GPLD1: variants seen among roughly 807,000 people sequenced by gnomAD.
The protein encoded by GPLD1 is phosphatidylinositol-glycan-specific phospholipase D.
In GPLD1, 84 loss-of-function variants were observed where a neutral mutation model predicts 112.6. That is an observed-to-expected ratio of 0.75 (90% CI 0.63 to 0.89). The LOEUF (loss-of-function observed/expected upper bound fraction) is 0.89, where lower values mean the gene tolerates loss of function less well. GPLD1 is among the 40% of genes least tolerant of loss of function. GPLD1 has a pLI of 0.00. For synonymous variants in GPLD1, 386 were observed against 403.8 expected, an observed-to-expected ratio of 0.96 and a Z score of 0.53; for missense variants, 1,044 against 1,051.5, an observed-to-expected ratio of 0.99 and a Z score of 0.10.
At chr6:24,481,498 A>T (rs1302791159) in intron 2 of GPLD1, among the ~76,000 whole-genome samples, 1 of 152,130 alleles carries the variant, frequency 6.6e-6, no homozygotes, top group Admixed American at 6.5e-5. Flanking sequence ...TCCTCCTTCT[A>T]GAGGCAGAAT....
chr6:24,476,793 C>T (rs1036686037), intron 3 of GPLD1, among the ~76,000 whole-genome samples: 4 of 152,108 alleles, frequency 2.6e-5, no homozygotes, highest in South Asian at 2.1e-4. Context: ...ATGCAAGTGT[C>T]GTTTGAGTGG....
rs992487118 is a variant in GPLD1, at chr6:24,464,385, C to T, written c.822-1590G>A. Among the ~76,000 whole-genome samples, 5 of 152,278 alleles carry T rather than the reference C, an allele frequency of 3.3e-5. No individual in the cohort carries two copies. In the East Asian group the frequency reaches 5.8e-4, roughly 18 times the overall value. ...AACCACGGCAGTATGCACCTAAAAA[C>T]CCAGGTCCACGGGAGAGCTTGGGGA... On this transcript the variant is annotated intron_variant, in intron 10 of 24. Coordinates refer to ENST00000230036, the MANE Select transcript of GPLD1 (RefSeq NM_001503.4).
upstream of GPLD1, among the ~76,000 whole-genome samples, chr6:24,490,557 C>G (rs1289178973): frequency 1.3e-5 from 2 of 151,934 alleles, no homozygotes; most frequent in African/African-American, 4.8e-5. Context: ...TTGAGACCAG[C>G]GTGATCAACA....
chr6:24,456,734 T>A (rs1248673858), intron 12 of GPLD1, 97 bp from the exon 13 acceptor site: 1 of 789,926 alleles, frequency 1.3e-6, no homozygotes, highest in Non-Finnish European at 2.0e-6. Context: ...GTAAAGGAAA[T>A]GAGTTTTTAG....
rs1394600865 is a variant in GPLD1, at chr6:24,428,229, T to TTAAA, written c.*802_*803insTTTA. On this transcript the variant is annotated 3_prime_UTR_variant, in exon 25 of 25. Transcript: ENST00000230036. ...ATTGGCATGGGCCAATCTGTTATTT[T>TTAAA]TAAGTTCAACTTTTTTTTAACTTTT... 2 of 152,056 alleles carry TTAAA rather than the reference T, an allele frequency of 1.3e-5. No individual in the cohort carries two copies. Among genetic ancestry groups the TTAAA allele is most frequent in the Non-Finnish European group, 2.9e-5 (2 of 68,020 alleles). The allele number at this position is 152,056 out of a possible 1,614,324, so 9.4% of individuals were successfully genotyped here.
At chr6:24,483,916 T>C (rs1005128338) in intron 2 of GPLD1, among the ~76,000 whole-genome samples, 7 of 151,446 alleles carry the variant, frequency 4.6e-5, no homozygotes, top group African/African-American at 1.7e-4. Context: ...TTTGTTTTGT[T>C]TTGTTTTGTT....
rs371612046 is a variant in GPLD1 at position 24,489,454 on chromosome 6, T to C, written c.58A>G (p.Arg20Gly). 16 of 1,613,864 alleles carry C rather than the reference T, an allele frequency of 9.9e-6. No individual in the cohort carries two copies. Among genetic ancestry groups the C allele is most frequent in the Non-Finnish European group, 1.4e-5 (16 of 1,179,864 alleles). ...GTTGAAAGGCCACACGGTGAACCTC[T>C]ATGGCAGAGAGAACCCAACATGATC... ...LLIMLGSLCH[R>G]GSPCGLSTHV... Residue 20 changes from arginine to glycine, a missense_variant, in exon 1 of 25, where the codon AGA becomes GGA. Arg to Gly is a moderately radical substitution (Grantham distance 125). Coordinates refer to ENST00000230036, the MANE Select transcript of GPLD1 (RefSeq NM_001503.4).
At chr6:24,472,539 A>T in intron 7 of GPLD1, 43 bp downstream of exon 7, 1 of 1,126,846 alleles carries the variant, frequency 8.9e-7, no homozygotes, top group South Asian at 1.3e-5. Flanking sequence ...AAGGCTCTAA[A>T]TGCCACTTAG....
chr6:24,469,962 TA>T (rs1213983490), intron 7 of GPLD1, among the ~76,000 whole-genome samples: 2 of 152,034 alleles, frequency 1.3e-5, no homozygotes, highest in South Asian at 2.1e-4. Context: ...TAACAAAAAA[TA>T]TTTTTTTAAA....
rs373392356 is a variant in GPLD1 at position 24,465,570 on chromosome 6, T to TA, written c.821+1109dup. Among the ~76,000 whole-genome samples, 1,140 of 147,158 alleles carry TA rather than the reference T, an allele frequency of 7.7e-3. 14 individuals are homozygous for TA. Among genetic ancestry groups the TA allele is most frequent in the African/African-American group, 0.024 (959 of 40,186 alleles). ...CAAAAAACAAAAACACATGTGCTCT[T>TA]AAAAAAAAAAGAAAAAGAAAGAAAT... On this transcript the variant is annotated intron_variant, in intron 10 of 24. Coordinates refer to ENST00000230036, the MANE Select transcript of GPLD1 (RefSeq NM_001503.4).
At chr6:24,480,073 G>A in intron 2 of GPLD1, 114 bp from the exon 3 acceptor site, 3 of 659,216 alleles carry the variant, frequency 4.6e-6, no homozygotes, top group Non-Finnish European at 8.2e-6. Context: ...TAGATGGAAT[G>A]AAAGGGAAAA....
chr6:24,440,644 T>C (rs1239542706), intron 20 of GPLD1, among the ~76,000 whole-genome samples: 2 of 147,486 alleles, frequency 1.4e-5, no homozygotes, highest in African/African-American at 5.0e-5. Context: ...TCCCGGCTAC[T>C]TGTGAACCTG....
chr6:24,442,341 A>T (rs918876879), intron 20 of GPLD1, among the ~76,000 whole-genome samples: 17 of 150,148 alleles, frequency 1.1e-4, no homozygotes, highest in African/African-American at 3.9e-4. Context: ...GGCTGGCCTC[A>T]AATTCTTGGG....
At chr6:24,494,948 TGC>T (rs1285587770) in intron 1 of GPLD1, 3 of 1,280,864 alleles carry the variant, frequency 2.3e-6, no homozygotes, top group African/African-American at 1.5e-5. Flanking sequence ...TGCGTTCCCG[TGC>T]GCGCGCGCCC....
chr6:24,437,404 T>A (rs1342325201), intron 20 of GPLD1, 115 bp from the exon 21 acceptor site: 3 of 1,007,436 alleles, frequency 3.0e-6, no homozygotes, highest in East Asian at 4.9e-5. Context: ...GGACAGTCGG[T>A]TTCGGAGCTG....
chr6:24,442,596 C>G (rs761740614), intron 20 of GPLD1, among the ~76,000 whole-genome samples: 2 of 151,848 alleles, frequency 1.3e-5, no homozygotes, highest in Non-Finnish European at 2.9e-5. Flanking sequence ...AGGTGCCCAC[C>G]ACCACGCCCA....
intron 12 of GPLD1, among the ~76,000 whole-genome samples, chr6:24,458,995 A>G (rs1348205364): frequency 2.0e-5 from 3 of 152,208 alleles, no homozygotes; most frequent in African/African-American, 7.2e-5. Context: ...CCCTTCTGAC[A>G]TTAAGAGCCC....
chr6:24,466,677 C>G lies in GPLD1; in HGVS notation c.821+3G>C. 1 of 1,611,002 alleles carries G rather than the reference C, an allele frequency of 6.2e-7. No individual in the cohort carries two copies. The highest frequency in any genetic ancestry group is 8.5e-7 in the Non-Finnish European group (1 of 1,177,562). On this transcript the variant is annotated splice_donor_region_variant and intron_variant, in intron 10 of 24. Coordinates refer to ENST00000230036, the MANE Select transcript of GPLD1 (RefSeq NM_001503.4). Reference sequence around the variant, plus strand: ...TGGTAATAGAAATGCAATATGAATTCACCTGGTCCCATTCTCCAACATGAA... The same window carrying G: ...TGGTAATAGAAATGCAATATGAATTGACCTGGTCCCATTCTCCAACATGAA...
At chr6:24,468,237 A>G (rs906658530) in intron 7 of GPLD1, among the ~76,000 whole-genome samples, 16 of 152,138 alleles carry the variant, frequency 1.1e-4, no homozygotes, top group Non-Finnish European at 2.4e-4. Context: ...AGATTGCTAC[A>G]AAGATTAAAA....
Sources: allele counts gnomAD v4.1 joint callset (sites outside exome capture counted in the v4.1 genomes callset), GRCh38; gene constraint gnomAD v4.1.1; transcripts MANE v1.5; gene names NCBI Gene and HGNC (gene_info 2026-07-23, HGNC 2026-07-21).